Variants in KIF26B observed in about 807,000 individuals in gnomAD.
The protein encoded by KIF26B is kinesin-like protein KIF26B.
In KIF26B, 63 loss-of-function variants were observed where a neutral mutation model predicts 151.2. The ratio of observed to expected loss-of-function variants is 0.42; its 90% CI spans 0.34 to 0.51. The LOEUF is 0.51. Ranked by LOEUF, KIF26B falls within the 20% of genes least tolerant of loss-of-function variation. The probability of loss-of-function intolerance (pLI) is 0.07; values close to 1 mark genes in which losing one functional copy is unlikely to be tolerated. For missense variants in KIF26B, 2,813 were observed against 2,913.6 expected, an observed-to-expected ratio of 0.97 and a Z score of 0.79; for synonymous variants, 1,357 against 1,262.1, an observed-to-expected ratio of 1.08 and a Z score of -1.59.
At chr1:245,219,173 C>G (rs967995388) in intron 2 of KIF26B, among the ~76,000 whole-genome samples, 1 of 106,230 alleles carries the variant, frequency 9.4e-6, no homozygotes, top group Non-Finnish European at 1.7e-5. Flanking sequence ...GAGTCTTGCT[C>G]TGTTGCCCAG....
At chr1:245,524,789 G>A (rs985131367) in intron 4 of KIF26B, among the ~76,000 whole-genome samples, 1 of 151,830 alleles carries the variant, frequency 6.6e-6, no homozygotes, top group Non-Finnish European at 1.5e-5. Flanking sequence ...AAGAATAGCC[G>A]AGGCCCCCCT....
chr1:245,609,553 G>A (rs1261161089), intron 8 of KIF26B, 25 bp downstream of exon 8: 78 of 1,487,362 alleles, frequency 5.2e-5, no homozygotes, highest in Non-Finnish European at 6.8e-5. Context: ...AGCCTGGCTC[G>A]CCCCAAGGTG....
chr1:245,165,222 C>G (rs577896341), intron 2 of KIF26B, among the ~76,000 whole-genome samples: 26 of 151,970 alleles, frequency 1.7e-4, no homozygotes, highest in Middle Eastern at 6.8e-3. Flanking sequence ...GGAGAGGCAG[C>G]TCCGGCCTGA....
At chr1:245,469,943 G>A (rs1029680376) in intron 4 of KIF26B, among the ~76,000 whole-genome samples, 4 of 151,982 alleles carry the variant, frequency 2.6e-5, no homozygotes, top group Non-Finnish European at 5.9e-5. Context: ...GGTACTGGAA[G>A]GGAATTCTAT....
Position 245,698,893 on chromosome 1 carries a change from A to G in KIF26B, c.6034A>G (p.Met2012Val). The change falls in exon 14 of 15, where the codon ATG becomes GTG. Residue 2012 changes from methionine (M) to valine (V), a missense_variant. Met to Val is a conservative substitution (Grantham distance 21). Transcript: ENST00000407071. This position sits in a 1 kb window ranked among gnomAD's most constrained non-coding sequence, Gnocchi z 4.0. ...CTCTCTGTCTGTGTGCTAGGAGGCC[A>G]TGTGCTTCAATGCAAAGCTGAAGAT... is the stretch of plus-strand genomic sequence containing the variant. ...RRRGGASKEA[M>V]CFNAKLKILE... 1.9e-6 allele frequency: 3 copies of G among 1,613,764 alleles called. No individual in the cohort carries two copies. Among genetic ancestry groups the G allele is most frequent in the Non-Finnish European group, 2.5e-6 (3 of 1,179,732 alleles).
chr1:245,255,518 A>C (rs763989081), intron 2 of KIF26B, among the ~76,000 whole-genome samples: 4 of 152,150 alleles, frequency 2.6e-5, no homozygotes, highest in Admixed American at 1.3e-4. Flanking sequence ...TCATTCTCAA[A>C]AGCACTTTGT....
chr1:245,530,670 T>C (rs1199539550), intron 4 of KIF26B, among the ~76,000 whole-genome samples: 1 of 152,216 alleles, frequency 6.6e-6, no homozygotes, highest in Non-Finnish European at 1.5e-5. Flanking sequence ...AGAGTAAAGC[T>C]CTTCAGCTGT....
intron 4 of KIF26B, among the ~76,000 whole-genome samples, chr1:245,482,781 C>T (rs1051241861): frequency 8.6e-5 from 13 of 151,614 alleles, no homozygotes; most frequent in Non-Finnish European, 1.3e-4. Context: ...TGGTTCACCC[C>T]GAGGCAAATG....
intron 4 of KIF26B, among the ~76,000 whole-genome samples, chr1:245,504,235 C>G (rs1660682024): frequency 6.6e-6 from 1 of 151,990 alleles, no homozygotes; most frequent in Non-Finnish European, 1.5e-5. Context: ...TGGCTCCATT[C>G]TAGAGCTTCT....
chr1:245,660,698 CCTT>C (rs2044126743), intron 10 of KIF26B, among the ~76,000 whole-genome samples: 1 of 152,114 alleles, frequency 6.6e-6, no homozygotes, highest in Non-Finnish European at 1.5e-5. Context: ...GGCAGTTTCC[CCTT>C]CTTGTTCTGT....
intron 3 of KIF26B, among the ~76,000 whole-genome samples, chr1:245,418,221 G>A (rs973287001): frequency 1.2e-4 from 19 of 152,340 alleles, no homozygotes; most frequent in African/African-American, 4.1e-4. Context: ...GAAGCCGGAG[G>A]AGAGGCTCTG....
At chr1:245,267,615 C>G (rs1423627822) in intron 2 of KIF26B, among the ~76,000 whole-genome samples, 1 of 147,592 alleles carries the variant, frequency 6.8e-6, no homozygotes, top group East Asian at 2.0e-4. Context: ...ACAGATACTA[C>G]TGGCGACAGC....
chr1:245,190,634 G>GTTTTTTT (rs149338802), intron 2 of KIF26B, among the ~76,000 whole-genome samples: 14 of 106,856 alleles, frequency 1.3e-4, no homozygotes, highest in East Asian at 5.8e-4. Context: ...TGAATGTTTT[G>GTTTTTTT]TTTTGTTTTT....
At chr1:245,669,660 AAAC>A (rs1461914664) in intron 10 of KIF26B, among the ~76,000 whole-genome samples, 4 of 152,344 alleles carry the variant, frequency 2.6e-5, no homozygotes, top group African/African-American at 7.2e-5. Flanking sequence ...GTAGCTATTA[AAAC>A]AACAACAGAA....
chr1:245,490,171 T>G (rs981109543), intron 4 of KIF26B, among the ~76,000 whole-genome samples: 3 of 152,184 alleles, frequency 2.0e-5, no homozygotes, highest in African/African-American at 7.2e-5. Flanking sequence ...GGGAGTGATT[T>G]GTGATGTCTG....
rs1355957590 is a variant in KIF26B, at chr1:245,707,748, G to A, written c.*5142G>A. 3 of 152,238 alleles carry A rather than the reference G, an allele frequency of 2.0e-5. No homozygotes were observed. The highest frequency in any genetic ancestry group is 2.9e-5 in the Non-Finnish European group (2 of 68,056). 9.4% of individuals were successfully genotyped at this position (152,238 alleles called of 1,614,324 possible). On this transcript the variant is annotated 3_prime_UTR_variant, in exon 15 of 15. Transcript: ENST00000407071. ...ATCTAAGCTGTTTCTGTAGTAAGCA[G>A]CCAAATGGGAAAGATCCCTTCGTTT...
chr1:245,450,247 G>A (rs189525398), intron 4 of KIF26B, among the ~76,000 whole-genome samples: 2,391 of 152,214 alleles, frequency 0.016, 29 homozygotes, highest in Non-Finnish European at 0.026. Context: ...TGCTCTCTCC[G>A]TCTAGCTTGG....
intron 2 of KIF26B, among the ~76,000 whole-genome samples, chr1:245,270,989 T>C (rs900903331): frequency 2.6e-5 from 4 of 152,180 alleles, no homozygotes; most frequent in African/African-American, 9.6e-5. Context: ...CTAGTTTTCC[T>C]AGCACCACTT....
intron 2 of KIF26B, among the ~76,000 whole-genome samples, chr1:245,207,751 C>T (rs981823493): frequency 1.3e-5 from 2 of 152,150 alleles, no homozygotes; most frequent in African/African-American, 4.8e-5. Context: ...TTCCACCACC[C>T]ACTTCCCACA....
Sources: gnomAD v4.1 joint callset for allele counts (sites outside exome capture counted in the v4.1 genomes callset) on GRCh38, gnomAD v4.1.1 for gene constraint, Gnocchi (gnomAD v3.1) non-coding constraint, MANE v1.5 for transcripts, NCBI Gene and HGNC (gene_info 2026-07-23, HGNC 2026-07-21) for gene names.